Variants in ADAMTSL5 observed in about 807,000 individuals in gnomAD.
The protein encoded by ADAMTSL5 is ADAMTS like 5, also known as ADAMTS-like protein 5.
ADAMTSL5 carries 53 observed loss-of-function variants against 51.7 expected under a neutral mutation model. The observed-to-expected ratio is 1.03, with a 90% CI of 0.82 to 1.29. ADAMTSL5 has a LOEUF of 1.29. Ranked by LOEUF, ADAMTSL5 falls within the 50% of genes most tolerant of loss-of-function variation. The pLI is 0.00. For missense variants in ADAMTSL5, 770 were observed against 676.2 expected (o/e 1.14, Z -1.54); for synonymous variants, 285 against 278.7 (o/e 1.02, Z -0.23).
intron 1 of ADAMTSL5, chr19:1,511,476 A>G (rs957249110): frequency 1.8e-5 from 19 of 1,080,252 alleles, no homozygotes; most frequent in Non-Finnish European, 2.2e-5. Flanking sequence ...CCCAGCCTAC[A>G]ATATTATTGA....
chr19:1,510,058 C>G, intron 5 of ADAMTSL5, 92 bp downstream of exon 5: 1 of 1,037,880 alleles, frequency 9.6e-7, no homozygotes, highest in Non-Finnish European at 1.4e-6. Flanking sequence ...CTAATACCCT[C>G]TTCTCTTTGC....
chr19:1,507,908 G>T (rs1039574402), intron 7 of ADAMTSL5, 90 bp downstream of exon 7: 20 of 1,383,692 alleles, frequency 1.4e-5, no homozygotes, highest in Non-Finnish European at 2.0e-5. Context: ...CCGCACACTG[G>T]CCAATCAGCA....
At chr19:1,512,044 G>A (rs922377330) in intron 1 of ADAMTSL5, among the ~76,000 whole-genome samples, 1 of 152,188 alleles carries the variant, frequency 6.6e-6, no homozygotes, top group East Asian at 1.9e-4. Flanking sequence ...CAGGGATGAA[G>A]TCACTTGCCA....
intron 6 of ADAMTSL5, 86 bp downstream of exon 6, chr19:1,508,357 G>A: frequency 2.8e-6 from 4 of 1,423,820 alleles, no homozygotes; most frequent in Non-Finnish European, 3.7e-6. Context: ...GGAGGCTAAT[G>A]GGAGGAGGGC....
chr19:1,510,402 C>T lies in ADAMTSL5; in HGVS notation c.218G>A (p.Gly73Glu). Residue 73 changes from glycine to glutamate, a missense_variant, in exon 4 of 12, where the codon GGA becomes GAA. Physicochemically the swap from Gly to Glu is moderately conservative, Grantham distance 98. Transcript: ENST00000330475. ...LRLPGEEPCW[G>E]DSHEYRLCQL... ...GCAGAGGCGGTACTCATGGGAGTCT[C>T]CCCAGCACGGTTCTTCCCCAGGAAG... is the stretch of plus-strand genomic sequence containing the variant. The T allele has an allele frequency of 6.2e-7, 1 of 1,612,506 alleles. No homozygotes were observed. Among genetic ancestry groups the T allele is most frequent in the Non-Finnish European group, 8.5e-7 (1 of 1,179,786 alleles).
At position 1,508,363 on chromosome 19, in the gene ADAMTSL5, A is replaced by G. The variant is rs1253384933; in HGVS notation, c.489+80T>C. 1.7e-5 allele frequency: 19 copies of G among 1,110,396 alleles called. No individual in the cohort carries two copies. The South Asian group carries it at 1.8e-4, about 11-fold the overall frequency. The allele number at this position is 1,110,396 out of a possible 1,614,324, so 68.8% of individuals were successfully genotyped here. ...GGAGGGGGTGGAGGCTAATGGGAGG[A>G]GGGCGGAGGTGGAGCCTAGGATGGG... On this transcript the variant is annotated intron_variant, in intron 6 of 11. Transcript: ENST00000330475.
intron 7 of ADAMTSL5, 92 bp from the exon 8 acceptor site, chr19:1,507,735 G>A: frequency 7.7e-7 from 1 of 1,301,426 alleles, no homozygotes. Context: ...GGGTAAGACA[G>A]CTAGCCAGGG....
intron 9 of ADAMTSL5, 122 bp from the exon 10 acceptor site, chr19:1,507,050 G>A: frequency 7.7e-7 from 1 of 1,297,186 alleles, no homozygotes; most frequent in Non-Finnish European, 1.1e-6. Context: ...CTCCTCTGAT[G>A]CTCTGTCCCT....
At position 1,507,568 on chromosome 19, in the gene ADAMTSL5, C is replaced by A. The variant is rs1285390967; in HGVS notation, c.677G>T (p.Arg226Leu). Reference protein sequence around the residue: ...ARHIRVEHRSRNHLALMGGDG... With the variant: ...ARHIRVEHRSLNHLALMGGDG... Reference sequence around the variant, plus strand: ...ACATCCTAGGATACCCAGGTGGTTGCGGCTCCTGTGTTCCACGCGGATGTG... The same window carrying A: ...ACATCCTAGGATACCCAGGTGGTTGAGGCTCCTGTGTTCCACGCGGATGTG... Residue 226 changes from arginine to leucine, a missense_variant, in exon 8 of 12, where the codon CGC (arginine) becomes CTC (leucine). By Grantham distance (102) the Arg-to-Leu change is moderately radical (BLOSUM62 -2). Coordinates refer to ENST00000330475, the MANE Select transcript of ADAMTSL5 (RefSeq NM_213604.3). 2 of 1,613,426 alleles carry A rather than the reference C, an allele frequency of 1.2e-6. No individual in the cohort carries two copies. Among genetic ancestry groups the A allele is most frequent in the Admixed American group, 3.3e-5 (2 of 60,022 alleles).
intron 1 of ADAMTSL5, among the ~76,000 whole-genome samples, chr19:1,512,742 C>T (rs896595103): frequency 1.3e-5 from 2 of 152,104 alleles, no homozygotes; most frequent in African/African-American, 2.4e-5. Flanking sequence ...CCACCCCCAC[C>T]GGACTCTAAG....
At chr19:1,509,269 A>C (rs2145506150) in intron 5 of ADAMTSL5, among the ~76,000 whole-genome samples, 1 of 150,780 alleles carries the variant, frequency 6.6e-6, no homozygotes, top group East Asian at 1.9e-4. Flanking sequence ...AAAAAAAAAA[A>C]AAAAAAAAAA....
chr19:1,508,277 G>T, intron 6 of ADAMTSL5, 166 bp downstream of exon 6: 1 of 1,192,722 alleles, frequency 8.4e-7, no homozygotes, highest in Non-Finnish European at 1.1e-6. Context: ...CCCGGGAGTG[G>T]GTGCCTAAGG....
At chr19:1,507,124 C>T in intron 9 of ADAMTSL5, 118 bp downstream of exon 9, 1 of 1,392,470 alleles carries the variant, frequency 7.2e-7, no homozygotes, top group South Asian at 1.4e-5. Context: ...AGCCTCTCCC[C>T]TCTGACCCCA....
Position 1,507,598 on chromosome 19 carries a change from G to A in ADAMTSL5, c.647C>T (p.Ala216Val). Residue 216 changes from alanine to valine, a missense_variant, in exon 8 of 12, where the codon GCC (alanine) becomes GTC (valine). By Grantham distance (64) the Ala-to-Val change is moderately conservative (BLOSUM62 0). Coordinates refer to ENST00000330475, the MANE Select transcript of ADAMTSL5 (RefSeq NM_213604.3). The part of the protein sequence containing the change: ...YWNVTLIPEG[A>V]RHIRVEHRSR... ...CCTGTGTTCCACGCGGATGTGTCTGGCGCCCTCGGGGATCAGGGTCACGTT... is the reference window on the plus strand; with the variant it reads ...CCTGTGTTCCACGCGGATGTGTCTGACGCCCTCGGGGATCAGGGTCACGTT... 2 of 1,613,528 alleles carry A rather than the reference G, an allele frequency of 1.2e-6. No homozygotes were observed. The highest frequency in any genetic ancestry group is 1.7e-6 in the Non-Finnish European group (2 of 1,180,010).
chr19:1,510,014 CACTA>C (rs748065071), intron 5 of ADAMTSL5, 132 bp downstream of exon 5: 92 of 704,538 alleles, frequency 1.3e-4, no homozygotes, highest in Non-Finnish European at 2.1e-4. Context: ...GTTTCTGTTT[CACTA>C]ACTCCTACAT....
In ADAMTSL5 at chr19:1,508,435, G is replaced by A. The variant is rs1913078458; in HGVS notation, c.489+8C>T. On this transcript the variant is annotated splice_region_variant and intron_variant, in intron 6 of 11. Coordinates refer to ENST00000330475, the MANE Select transcript of ADAMTSL5 (RefSeq NM_213604.3). ...GCGGGGCTCGGGCGGGGCCTGACGA[G>A]TCCTTACAAGGCAGCGGCCAGCCAC... 6.5e-7 allele frequency: 1 copy of A among 1,541,004 alleles called. No individual in the cohort carries two copies. The highest frequency in any genetic ancestry group is 1.2e-5 in the South Asian group (1 of 83,436).
At chr19:1,511,520 G>C in intron 1 of ADAMTSL5, 1 of 1,189,518 alleles carries the variant, frequency 8.4e-7, no homozygotes, top group Non-Finnish European at 1.1e-6. Context: ...GACAGTAGGT[G>C]CTTAATCGAT....
intron 1 of ADAMTSL5, among the ~76,000 whole-genome samples, chr19:1,512,203 G>T (rs1203057124): frequency 6.6e-6 from 1 of 152,214 alleles, no homozygotes; most frequent in Non-Finnish European, 1.5e-5. Context: ...AAGAGGCTGG[G>T]TCCCACCTGG....
rs1289692155 is a variant in ADAMTSL5, at chr19:1,505,113, A to T, written c.*902T>A. 1 of 152,148 alleles carries T rather than the reference A, an allele frequency of 6.6e-6. No homozygotes were observed. The highest frequency in any genetic ancestry group is 1.5e-5 in the Non-Finnish European group (1 of 68,036). 9.4% of individuals were successfully genotyped at this position (152,148 alleles called of 1,614,324 possible). A position where few individuals can be genotyped will look rare whatever the true frequency, so the allele number is the denominator to read the frequency against. On this transcript the variant is annotated 3_prime_UTR_variant, in exon 12 of 12. Coordinates refer to ENST00000330475, the MANE Select transcript of ADAMTSL5 (RefSeq NM_213604.3). ...GCCAGTACGATAGTGCATGCCTGAA[A>T]TTCCAGTGCTTTGGGAGGCCGAGGC...
Sources: gnomAD v4.1 joint callset for allele counts (sites outside exome capture counted in the v4.1 genomes callset) on GRCh38, gnomAD v4.1.1 for gene constraint, MANE v1.5 for transcripts, NCBI Gene and HGNC (gene_info 2026-07-23, HGNC 2026-07-21) for gene names.